Variants in BORCS7 observed in about 807,000 individuals in gnomAD.
BORCS7 encodes the protein BLOC-1-related complex subunit 7.
Under a neutral mutation model 17.5 loss-of-function variants are expected in BORCS7, and 20 were observed. The observed-to-expected ratio is 1.14, with a 90% CI of 0.80 to 1.66. The LOEUF is 1.66. Among genes scored for constraint, BORCS7 ranks in the 40% most tolerant of loss-of-function variants. The pLI, the probability that BORCS7 is intolerant of heterozygous loss-of-function variation, is 0.00. For missense variants in BORCS7, 122 were observed against 129.7 expected (o/e 0.94, Z 0.29); for synonymous variants, 57 against 49.8 (o/e 1.14, Z -0.61).
At chr10:102,858,905 A>G (rs1055167627) in intron 1 of BORCS7, among the ~76,000 whole-genome samples, 1 of 151,926 alleles carries the variant, frequency 6.6e-6, no homozygotes, top group Non-Finnish European at 1.5e-5. Context: ...GGCCGGTAGG[A>G]TACACATAAC....
chr10:102,862,161 C>G lies in BORCS7; in HGVS notation c.250C>G (p.Gln84Glu), dbSNP rs1313854618. 6.2e-7 allele frequency: 1 copy of G among 1,608,174 alleles called. No individual in the cohort carries two copies. Among genetic ancestry groups the G allele is most frequent in the Admixed American group, 1.7e-5 (1 of 59,972 alleles). The stretch of plus-strand genomic sequence containing the variant: ...TTCCTCTTTCCTTTTCTGATTTAGG[C>G]AAGAAGCTATTCAGAAGAAGTAAGT... ...AIITTHLQYQQEAIQKNVEQS... is the reference protein window; with the variant it reads ...AIITTHLQYQEEAIQKNVEQS... Residue 84 changes from glutamine (Q) to glutamate (E), a missense_variant and splice_region_variant, in exon 4 of 5, where the codon CAA becomes GAA. Physicochemically the swap from Gln to Glu is conservative, Grantham distance 29. Coordinates refer to ENST00000339834, the MANE Select transcript of BORCS7 (RefSeq NM_001136200.2).
At chr10:102,862,819 A>G in intron 4 of BORCS7, 54 bp from the exon 5 acceptor site, 2 of 1,496,740 alleles carry the variant, frequency 1.3e-6, no homozygotes, top group Non-Finnish European at 1.9e-6. Context: ...TTGTACAAAG[A>G]TGTCTTTATT....
chr10:102,860,654 G>T, intron 3 of BORCS7, 113 bp downstream of exon 3: 6 of 1,162,532 alleles, frequency 5.2e-6, no homozygotes, highest in Non-Finnish European at 6.3e-6. Context: ...GAGTAAAGGT[G>T]GGGGTGGCCA....
intron 1 of BORCS7, among the ~76,000 whole-genome samples, chr10:102,858,581 C>T (rs1345680999): frequency 6.6e-6 from 1 of 151,578 alleles, no homozygotes; most frequent in Admixed American, 6.6e-5. Flanking sequence ...ATCCAGGATG[C>T]GGAGGTTGCA....
rs748603513 is a variant in BORCS7 at position 102,860,520 on chromosome 10, T to C, written c.227T>C (p.Ile76Thr). The C allele has an allele frequency of 1.2e-6, 2 of 1,613,144 alleles. No individual in the cohort carries two copies. The highest frequency in any genetic ancestry group is 3.3e-5 in the Admixed American group (2 of 60,006). ...CAGAGTTTAAGGAAGATGGCAATAA[T>C]AACAACACATCTTCAATACCAGTGA... ...SEDSLRKMAI[I>T]TTHLQYQQEA... Residue 76 changes from isoleucine to threonine, a missense_variant, in exon 3 of 5, where the codon ATA (isoleucine) becomes ACA (threonine). By Grantham distance (89) the Ile-to-Thr change is moderately conservative. Coordinates refer to ENST00000339834, the MANE Select transcript of BORCS7 (RefSeq NM_001136200.2).
rs145804818 is a variant in BORCS7, at chr10:102,862,093, T to C, written c.249-67T>C. 7,217 of 1,455,214 alleles carry C rather than the reference T, an allele frequency of 5.0e-3. 37 individuals carry two copies. Among genetic ancestry groups the C allele is most frequent in the Middle Eastern group, 0.022 (128 of 5,698 alleles). 90.1% of individuals were successfully genotyped at this position (1,455,214 alleles called of 1,614,324 possible). On this transcript the variant is annotated intron_variant, in intron 3 of 4. Transcript: ENST00000339834. ...TGAAATTTCTTCTGCCTATATGTATTATCTGGTCATAAATGAAACTTATTA... is the reference window on the plus strand; with the variant it reads ...TGAAATTTCTTCTGCCTATATGTATCATCTGGTCATAAATGAAACTTATTA...
rs1844496833 is a variant in BORCS7 at position 102,860,379 on chromosome 10, C to T, written c.189C>T (p.Ile63=). The T allele has an allele frequency of 6.2e-7, 1 of 1,613,852 alleles. No homozygotes were observed. Among genetic ancestry groups the T allele is most frequent in the African/African-American group, 1.3e-5 (1 of 74,918 alleles). The change falls in exon 2 of 5, where the codon ATC becomes ATT. Residue 63 remains isoleucine (I), a synonymous_variant. Coordinates refer to ENST00000339834, the MANE Select transcript of BORCS7 (RefSeq NM_001136200.2). ...ACATGGTACTCCAGGAAGATGCCAT[C>T]TTGCACTCAGAAGATGTAAGAAACA... ...ARNMVLQEDA[I]LHSEDSLRKM... is the part of the protein sequence containing the mutation.
intron 3 of BORCS7, 116 bp downstream of exon 3, chr10:102,860,657 G>C: frequency 8.9e-7 from 1 of 1,120,790 alleles, no homozygotes; most frequent in Non-Finnish European, 1.3e-6. Context: ...TAAAGGTGGG[G>C]GTGGCCAAGG....
At chr10:102,861,848 T>G (rs987867170) in intron 3 of BORCS7, among the ~76,000 whole-genome samples, 1 of 152,216 alleles carries the variant, frequency 6.6e-6, no homozygotes, top group Non-Finnish European at 1.5e-5. Context: ...GGTATCTACA[T>G]ATTAGGTATT....
intron 4 of BORCS7, 59 bp from the exon 5 acceptor site, chr10:102,862,814 C>A: frequency 6.7e-7 from 1 of 1,487,358 alleles, no homozygotes; most frequent in Non-Finnish European, 9.4e-7. Flanking sequence ...AATAGTTGTA[C>A]AAAGATGTCT....
At chr10:102,856,806 C>T (rs1456927736) in intron 1 of BORCS7, among the ~76,000 whole-genome samples, 2 of 152,208 alleles carry the variant, frequency 1.3e-5, no homozygotes, top group Non-Finnish European at 1.5e-5. Flanking sequence ...AAGGAAAAGC[C>T]TTGGCTTTAC....
rs559706289 is a variant in BORCS7, at chr10:102,862,521, C to T, written c.269+341C>T. Among the ~76,000 whole-genome samples the T allele has an allele frequency of 2.5e-3, 385 of 152,242 alleles. 2 individuals carry two copies. Among genetic ancestry groups the T allele is most frequent in the Non-Finnish European group, 4.5e-3 (308 of 68,012 alleles). ...TTTTCTAAAATGGATTAAATTTGTCCCTTGCAACATTGTTTACATTACTAA... is the reference window on the plus strand; with the variant it reads ...TTTTCTAAAATGGATTAAATTTGTCTCTTGCAACATTGTTTACATTACTAA... On this transcript the variant is annotated intron_variant, in intron 4 of 4. Coordinates refer to ENST00000339834, the MANE Select transcript of BORCS7 (RefSeq NM_001136200.2).
chr10:102,854,737 A>AC (rs983049567), intron 1 of BORCS7, among the ~76,000 whole-genome samples: 1 of 150,772 alleles, frequency 6.6e-6, no homozygotes, highest in African/African-American at 2.4e-5. Flanking sequence ...TCATGGAGAA[A>AC]CCCCCGTCTC....
At position 102,862,901 on chromosome 10, in the gene BORCS7, C is replaced by A. The variant is rs11554411; in HGVS notation, c.298C>A (p.Gln100Lys). 3.7e-6 allele frequency: 6 copies of A among 1,610,888 alleles called. No homozygotes were observed. Among genetic ancestry groups the A allele is most frequent in the Non-Finnish European group, 5.1e-6 (6 of 1,177,050 alleles). ...NVEQSSDLQDQLNHLLK is the reference protein window; with the variant it reads ...NVEQSSDLQDKLNHLLK ...TGAACAGTCATCGGATCTACAGGAC[C>A]AGTTGAATCATCTGTTGAAATAGAA... Residue 100 changes from glutamine to lysine, a missense_variant, in exon 5 of 5, where the codon CAG (glutamine) becomes AAG (lysine). By Grantham distance (53) the Gln-to-Lys change is moderately conservative (BLOSUM62 1). Coordinates refer to ENST00000339834, the MANE Select transcript of BORCS7 (RefSeq NM_001136200.2).
chr10:102,854,482 G>T lies in BORCS7; in HGVS notation c.141+55G>T, dbSNP rs141320276. Reference sequence around the variant, plus strand: ...ATAGTCCGGGGAGTCGCAGTCTTTCGTTGCTGTGGGAAGGAGGTCGCGTTG... The same window carrying T: ...ATAGTCCGGGGAGTCGCAGTCTTTCTTTGCTGTGGGAAGGAGGTCGCGTTG... On this transcript the variant is annotated intron_variant, in intron 1 of 4. Coordinates refer to ENST00000339834, the MANE Select transcript of BORCS7 (RefSeq NM_001136200.2). 8.0e-4 allele frequency: 1,202 copies of T among 1,502,290 alleles called. 5 individuals carry two copies. In the African/African-American group the frequency reaches 0.013, roughly 16 times the overall value. 93.1% of individuals were successfully genotyped at this position (1,502,290 alleles called of 1,614,324 possible). A position where few individuals can be genotyped will look rare whatever the true frequency, so the allele number is the denominator to read the frequency against.
intron 1 of BORCS7, chr10:102,854,639 C>A: frequency 2.2e-6 from 1 of 458,288 alleles, no homozygotes; most frequent in Non-Finnish European, 3.6e-6. Flanking sequence ...AGAAGCGATG[C>A]CATGGGAACC....
At chr10:102,859,700 G>A (rs561537615) in intron 1 of BORCS7, among the ~76,000 whole-genome samples, 31 of 151,738 alleles carry the variant, frequency 2.0e-4, no homozygotes, top group Admixed American at 1.8e-3. Flanking sequence ...CAAGTAGCTG[G>A]GATTACAAGC....
At chr10:102,855,942 A>G (rs902156918) in intron 1 of BORCS7, among the ~76,000 whole-genome samples, 2 of 152,170 alleles carry the variant, frequency 1.3e-5, no homozygotes, top group East Asian at 3.9e-4. Context: ...TTGTGTTTTT[A>G]GTAGAGATGG....
At position 102,864,288 on chromosome 10, in the gene BORCS7, T is replaced by C. The variant is rs1430249609; in HGVS notation, c.*1364T>C. ...AGATTACGTTTATTTCTCATACATA[T>C]GGATATTAACTTAAGGTAAAAAAGC... On this transcript the variant is annotated 3_prime_UTR_variant, in exon 5 of 5. Transcript: ENST00000339834. 1 of 152,202 alleles carries C rather than the reference T, an allele frequency of 6.6e-6. No individual in the cohort carries two copies. Among genetic ancestry groups the C allele is most frequent in the Non-Finnish European group, 1.5e-5 (1 of 68,026 alleles). 9.4% of individuals were successfully genotyped at this position (152,202 alleles called of 1,614,324 possible). A position where few individuals can be genotyped will look rare whatever the true frequency, so the allele number is the denominator to read the frequency against.
Sources: gnomAD v4.1 joint callset for allele counts (sites outside exome capture counted in the v4.1 genomes callset) on GRCh38, gnomAD v4.1.1 for gene constraint, MANE v1.5 for transcripts, NCBI Gene and HGNC (gene_info 2026-07-23, HGNC 2026-07-21) for gene names.